UMAD1: variants seen among roughly 807,000 people sequenced by gnomAD.
UMAD1 encodes the protein UBAP1-MVB12-associated (UMA)-domain containing protein 1.
Under a neutral mutation model 6.1 loss-of-function variants are expected in UMAD1, and 8 were observed. The observed-to-expected ratio is 1.30, with a 90% confidence interval of 0.76 to 2.35. The LOEUF is 2.35. Among genes scored for constraint, UMAD1 ranks in the 30% most tolerant of loss-of-function variants. The pLI is 0.00. For synonymous variants in UMAD1, 56 were observed against 31.4 expected (o/e 1.78, Z -2.61); for missense variants, 130 against 78.4 (o/e 1.66, Z -2.49).
At chr7:7,856,794 A>G (rs1473977699) in intron 3 of UMAD1, among the ~76,000 whole-genome samples, 1 of 152,234 alleles carries the variant, frequency 6.6e-6, no homozygotes, top group East Asian at 1.9e-4. Flanking sequence ...AAAAGCATAT[A>G]CTTTACATAT....
chr7:7,783,818 G>C (rs1250794396), intron 2 of UMAD1, among the ~76,000 whole-genome samples: 1 of 152,120 alleles, frequency 6.6e-6, no homozygotes, highest in Non-Finnish European at 1.5e-5. Context: ...AGTTTGTTTT[G>C]TACAATGTTA....
intron 2 of UMAD1, among the ~76,000 whole-genome samples, chr7:7,701,750 T>G (rs1253539007): frequency 1.3e-5 from 2 of 152,192 alleles, no homozygotes; most frequent in Non-Finnish European, 2.9e-5. Context: ...TTCATTCTAT[T>G]CAGGTTTCTG....
chr7:7,812,560 A>G (rs1473361339), intron 3 of UMAD1, among the ~76,000 whole-genome samples: 1 of 152,210 alleles, frequency 6.6e-6, no homozygotes, highest in Non-Finnish European at 1.5e-5. Context: ...TTAATTATAT[A>G]TATTTAGAAG....
chr7:7,706,903 G>T (rs1048962971), intron 2 of UMAD1, among the ~76,000 whole-genome samples: 1 of 152,070 alleles, frequency 6.6e-6, no homozygotes, highest in Non-Finnish European at 1.5e-5. Context: ...CATTTGCAGG[G>T]GTGGCTAAGA....
intron 2 of UMAD1, among the ~76,000 whole-genome samples, chr7:7,752,212 A>C (rs946495105): frequency 5.3e-5 from 8 of 152,186 alleles, no homozygotes; most frequent in Non-Finnish European, 1.0e-4. Flanking sequence ...AAAAAAATAG[A>C]TTATAACAAA....
intron 3 of UMAD1, among the ~76,000 whole-genome samples, chr7:7,822,416 A>T (rs1331026251): frequency 6.6e-6 from 1 of 151,896 alleles, no homozygotes; most frequent in African/African-American, 2.4e-5. Context: ...TTTGTTTTTC[A>T]TGCCTTTCAT....
chr7:7,748,135 G>A (rs1467306585), intron 2 of UMAD1, among the ~76,000 whole-genome samples: 3 of 140,484 alleles, frequency 2.1e-5, no homozygotes, highest in East Asian at 3.9e-4. Flanking sequence ...CAGTAGAGAC[G>A]GGGTTTCACC....
intron 3 of UMAD1, among the ~76,000 whole-genome samples, chr7:7,822,995 A>G (rs1783269662): frequency 6.6e-6 from 1 of 152,138 alleles, no homozygotes; most frequent in Admixed American, 6.6e-5. Flanking sequence ...ATATGTGTCA[A>G]TGAACATTAT....
intron 2 of UMAD1, among the ~76,000 whole-genome samples, chr7:7,760,743 T>G (rs189939476): frequency 6.6e-6 from 1 of 152,242 alleles, no homozygotes; most frequent in East Asian, 1.9e-4. Context: ...GTAGGGCACC[T>G]CCTGGGCACA....
chr7:7,708,076 C>T (rs1038715830), intron 2 of UMAD1, among the ~76,000 whole-genome samples: 5 of 152,104 alleles, frequency 3.3e-5, no homozygotes, highest in East Asian at 1.9e-4. Context: ...GTATTTCAGT[C>T]GTCATTCTTC....
chr7:7,718,362 C>T (rs976924686), intron 2 of UMAD1, among the ~76,000 whole-genome samples: 5 of 152,056 alleles, frequency 3.3e-5, no homozygotes, highest in Non-Finnish European at 5.9e-5. Context: ...TCTGTTCTTA[C>T]CACCATATTC....
chr7:7,683,773 C>T (rs1779971351), intron 2 of UMAD1, among the ~76,000 whole-genome samples: 1 of 152,142 alleles, frequency 6.6e-6, no homozygotes, highest in Admixed American at 6.5e-5. Context: ...CAGGCATGCA[C>T]CACCACACCT....
chr7:7,650,269 C>G (rs1443837144), intron 1 of UMAD1, among the ~76,000 whole-genome samples: 1 of 152,092 alleles, frequency 6.6e-6, no homozygotes, highest in East Asian at 1.9e-4. Flanking sequence ...TTGAAATTAC[C>G]CATATATTTA....
At chr7:7,832,774 A>G (rs1397035998) in intron 3 of UMAD1, among the ~76,000 whole-genome samples, 1 of 152,164 alleles carries the variant, frequency 6.6e-6, no homozygotes, top group African/African-American at 2.4e-5. Context: ...GACATAAGAA[A>G]GGTGCTTCTG....
intron 2 of UMAD1, among the ~76,000 whole-genome samples, chr7:7,770,050 CT>C (rs561975590): frequency 1.7e-3 from 252 of 152,252 alleles, no homozygotes; most frequent in African/African-American, 5.8e-3. Flanking sequence ...TAATCAGCTG[CT>C]TTCTTCATTA....
chr7:7,713,048 A>T (rs1780806973), intron 2 of UMAD1, among the ~76,000 whole-genome samples: 3 of 152,138 alleles, frequency 2.0e-5, no homozygotes, highest in Non-Finnish European at 4.4e-5. Context: ...CATTCAAAAA[A>T]TATTCTAGGG....
intron 2 of UMAD1, among the ~76,000 whole-genome samples, chr7:7,744,946 G>T (rs1458716499): frequency 1.3e-5 from 2 of 152,072 alleles, no homozygotes; most frequent in Non-Finnish European, 2.9e-5. Context: ...TCGGAAATCT[G>T]TGTATAAGTT....
At chr7:7,817,967 C>T (rs1022140707) in intron 3 of UMAD1, among the ~76,000 whole-genome samples, 1 of 152,102 alleles carries the variant, frequency 6.6e-6, no homozygotes, top group Non-Finnish European at 1.5e-5. Flanking sequence ...GCATGTGACA[C>T]CAGGCTCAGC....
At chr7:7,646,431 A>G (rs1244431421) in intron 1 of UMAD1, among the ~76,000 whole-genome samples, 1 of 150,986 alleles carries the variant, frequency 6.6e-6, no homozygotes, top group Non-Finnish European at 1.5e-5. Context: ...GGTAGTGAAT[A>G]AGTCTCACGA....
Sources: gnomAD v4.1 joint callset for allele counts (sites outside exome capture counted in the v4.1 genomes callset) on GRCh38, gnomAD v4.1.1 for gene constraint, MANE v1.5 for transcripts, NCBI Gene and HGNC (gene_info 2026-07-23, HGNC 2026-07-21) for gene names.